MYO1C: variants seen among roughly 807,000 people sequenced by gnomAD.
MYO1C encodes myosin IC.
MYO1C carries 104 observed loss-of-function variants against 150.8 expected under a neutral mutation model. That is an observed-to-expected ratio of 0.69 (90% CI 0.59 to 0.81). MYO1C has a LOEUF of 0.81. Ranked by LOEUF, MYO1C falls within the 30% of genes least tolerant of loss-of-function variation. The probability of loss-of-function intolerance (pLI) is 0.00; values close to 1 mark genes in which losing one functional copy is unlikely to be tolerated. For missense variants in MYO1C, 1,504 were observed against 1,435.0 expected (o/e 1.05, Z -0.78); for synonymous variants, 663 against 579.9 (o/e 1.14, Z -2.06).
chr17:1,479,096 G>A lies in MYO1C; in HGVS notation c.1092+335C>T, dbSNP rs1350101285. Among the ~76,000 whole-genome samples the A allele has an allele frequency of 6.6e-6, 1 of 152,132 alleles. No individual in the cohort carries two copies. Among genetic ancestry groups the A allele is most frequent in the Non-Finnish European group, 1.5e-5 (1 of 68,020 alleles). On this transcript the variant is annotated intron_variant, in intron 9 of 31. Transcript: ENST00000648651. This position sits in a 1 kb window ranked among gnomAD's most constrained non-coding sequence, Gnocchi z 4.2. ...TGCAACCTCCACCTCCCGGGTTCAAGCGATTCTCCTGCCTCAGCCTCCCGA... is the reference window on the plus strand; with the variant it reads ...TGCAACCTCCACCTCCCGGGTTCAAACGATTCTCCTGCCTCAGCCTCCCGA...
chr17:1,489,280 C>G (rs2074703449), intron 1 of MYO1C, among the ~76,000 whole-genome samples: 1 of 152,200 alleles, frequency 6.6e-6, no homozygotes. Context: ...GGGTCTCTAC[C>G]CTGATTGCTC....
At chr17:1,483,784 C>T in intron 2 of MYO1C, 59 bp from the exon 3 acceptor site, 1 of 1,368,804 alleles carries the variant, frequency 7.3e-7, no homozygotes, top group Non-Finnish European at 1.0e-6. Context: ...TGGCTCATGC[C>T]TGTAATCCCA....
chr17:1,473,101 G>T (rs1401696709), intron 17 of MYO1C, among the ~76,000 whole-genome samples: 1 of 152,254 alleles, frequency 6.6e-6, no homozygotes, highest in East Asian at 1.9e-4. Context: ...TCGTGAGTGT[G>T]AAGTGGGAGA....
At chr17:1,484,872 T>TAC in intron 1 of MYO1C, 1 of 341,194 alleles carries the variant, frequency 2.9e-6, no homozygotes, top group South Asian at 2.2e-5. Context: ...GGGCCGTCTC[T>TAC]CCCACCCAGA....
chr17:1,473,154 C>T (rs1050013043), intron 17 of MYO1C, among the ~76,000 whole-genome samples: 10 of 152,176 alleles, frequency 6.6e-5, no homozygotes, highest in African/African-American at 1.7e-4. Flanking sequence ...GAGCCGAGAT[C>T]GCGCCACTGC....
chr17:1,485,773 G>C (rs1381717334), intron 1 of MYO1C: 6 of 1,014,220 alleles, frequency 5.9e-6, no homozygotes, highest in Non-Finnish European at 7.1e-6. Context: ...GCTCGGCGGC[G>C]GTGGCGGCGG....
rs769509283 is a variant in MYO1C, at chr17:1,474,800, C to G, written c.1716+12G>C. 2 of 1,613,670 alleles carry G rather than the reference C, an allele frequency of 1.2e-6. No individual in the cohort carries two copies. The highest frequency in any genetic ancestry group is 1.7e-6 in the Non-Finnish European group (2 of 1,179,680). ...CCCCACCCCCACCCCGGCCTCCCCACGTCCTCCTCACCTCCTTAAGGTTCC... is the reference window on the plus strand; with the variant it reads ...CCCCACCCCCACCCCGGCCTCCCCAGGTCCTCCTCACCTCCTTAAGGTTCC... On this transcript the variant is annotated intron_variant, in intron 16 of 31. Coordinates refer to ENST00000648651, the MANE Select transcript of MYO1C (RefSeq NM_001080779.2).
At chr17:1,492,125 C>T (rs898027033) in intron 1 of MYO1C, 13 of 466,786 alleles carry the variant, frequency 2.8e-5, no homozygotes, top group Admixed American at 1.0e-4. Flanking sequence ...GACCTCACAG[C>T]AGCCGGCACT....
At chr17:1,468,221 T>C in intron 27 of MYO1C, 32 bp downstream of exon 27, 1 of 1,612,604 alleles carries the variant, frequency 6.2e-7, no homozygotes, top group Non-Finnish European at 8.5e-7. Context: ...AGCACCGTGC[T>C]GCTGGACTCA....
At position 1,480,462 on chromosome 17, in the gene MYO1C, C is replaced by A. The variant is rs12449944; in HGVS notation, c.906+65G>T. 51,531 of 1,230,564 alleles carry A rather than the reference C, an allele frequency of 0.042. 2,353 individuals are homozygous for A. Among genetic ancestry groups the A allele is most frequent in the African/African-American group, 0.17 (10,807 of 64,908 alleles). 76.2% of individuals were successfully genotyped at this position (1,230,564 alleles called of 1,614,324 possible). On this transcript the variant is annotated intron_variant, in intron 7 of 31. Transcript: ENST00000648651. ...AAACTCCGTCTCAAAAAATAAAAAA[C>A]AAAAAAAAAAGGAGATTTTGGGGGT...
intron 25 of MYO1C, 199 bp downstream of exon 25, chr17:1,469,332 T>C: frequency 2.0e-6 from 1 of 505,940 alleles, no homozygotes; most frequent in South Asian, 2.2e-5. Flanking sequence ...CCGAGATAAA[T>C]ACGGTAGGCG....
chr17:1,492,509 G>A lies in MYO1C; in HGVS notation c.-22C>T, dbSNP rs767184721. 10 of 1,585,084 alleles carry A rather than the reference G, an allele frequency of 6.3e-6. No individual in the cohort carries two copies. The highest frequency in any genetic ancestry group is 1.8e-5 in the Admixed American group (1 of 56,910). ...CCATTCCGCCCTGCGGAGAGCCAGC[G>A]GCCTGGGCACCGCGGCCTGTGAGCA... is the stretch of plus-strand genomic sequence containing the variant. On this transcript the variant is annotated 5_prime_UTR_variant, in exon 1 of 32. Transcript: ENST00000648651.
At chr17:1,486,432 C>T (rs2150967345) in intron 1 of MYO1C, among the ~76,000 whole-genome samples, 1 of 152,302 alleles carries the variant, frequency 6.6e-6, no homozygotes, top group South Asian at 2.1e-4. Flanking sequence ...TCCCCCCCGC[C>T]CACGGCATTT....
In MYO1C at chr17:1,469,623, A is replaced by C. The variant is rs750587613; in HGVS notation, c.2527-9T>G. 6.2e-7 allele frequency: 1 copy of C among 1,605,200 alleles called. No homozygotes were observed. Among genetic ancestry groups the C allele is most frequent in the South Asian group, 1.1e-5 (1 of 90,286 alleles). On this transcript the variant is annotated splice_polypyrimidine_tract_variant and intron_variant, in intron 24 of 31. Coordinates refer to ENST00000648651, the MANE Select transcript of MYO1C (RefSeq NM_001080779.2). The stretch of plus-strand genomic sequence containing the variant: ...CGCAGAAGCTCTGAGGCCTAAGGGG[A>C]GGAGTGAGGTCAGAGGTCCTGGACA...
intron 17 of MYO1C, among the ~76,000 whole-genome samples, 163 bp downstream of exon 17, chr17:1,474,447 A>AAAAG (rs1567521531): frequency 6.7e-6 from 1 of 149,116 alleles, no homozygotes; most frequent in Non-Finnish European, 1.5e-5. Context: ...AAAAAAAAAA[A>AAAAG]AAAGTAGGCA....
At position 1,477,906 on chromosome 17, in the gene MYO1C, G is replaced by A. The variant is rs772274154; in HGVS notation, c.1467C>T (p.Gly489=). 2 of 1,614,002 alleles carry A rather than the reference G, an allele frequency of 1.2e-6. No individual in the cohort carries two copies. The highest frequency in any genetic ancestry group is 1.7e-5 in the Admixed American group (1 of 60,000). ...GAGGACTCACCAAAATCGAGATGAT[G>A]CCCTTAAACTTCTCCTCCACCAGAT... ...ICDLVEEKFK[G]IISILDEECL... The change falls in exon 13 of 32, where the codon GGC becomes GGT. Residue 489 remains glycine (G), a synonymous_variant. Transcript: ENST00000648651.
At chr17:1,472,055 G>C in intron 18 of MYO1C, 31 bp from the exon 19 acceptor site, 2 of 1,608,396 alleles carry the variant, frequency 1.2e-6, no homozygotes, top group South Asian at 2.2e-5. Context: ...TGGTCAGCGG[G>C]CTGGCGCTGA....
chr17:1,491,706 G>T (rs2074737220), intron 1 of MYO1C: 1 of 953,724 alleles, frequency 1.0e-6, no homozygotes. Flanking sequence ...CGGGGGCCGG[G>T]CCGCAGCCTG....
intron 17 of MYO1C, among the ~76,000 whole-genome samples, chr17:1,472,640 C>G (rs139327253): frequency 6.6e-6 from 1 of 152,316 alleles, no homozygotes; most frequent in African/African-American, 2.4e-5. Context: ...CGGAGGAGCA[C>G]GCTCCTTGGC....
Sources: allele counts gnomAD v4.1 joint callset (sites outside exome capture counted in the v4.1 genomes callset), GRCh38; gene constraint gnomAD v4.1.1; non-coding constraint Gnocchi (gnomAD v3.1); transcripts MANE v1.5; gene names NCBI Gene and HGNC (gene_info 2026-07-23, HGNC 2026-07-21).